The following CDK5R1 variants were observed in gnomAD, a reference collection of about 807,000 sequenced individuals.
CDK5R1 encodes cyclin dependent kinase 5 regulatory subunit 1, also known as cyclin-dependent kinase 5 activator 1.
Under a neutral mutation model 19.0 loss-of-function variants are expected in CDK5R1, and 1 was observed. That is an observed-to-expected ratio of 0.05 (90% confidence interval 0.02 to 0.25). The LOEUF (loss-of-function observed/expected upper bound fraction) is 0.25. Among genes scored for constraint, CDK5R1 ranks in the 10% least tolerant of loss-of-function variants. The pLI is 1.00. For synonymous variants in CDK5R1, 225 were observed against 187.7 expected (o/e 1.20, Z -1.62); for missense variants, 314 against 401.0 (o/e 0.78, Z 1.85).
chr17:32,490,893 C>T lies in CDK5R1; in HGVS notation c.*2349C>T, dbSNP rs9333310. 2 of 167,046 alleles carry T rather than the reference C, an allele frequency of 1.2e-5. No individual in the cohort carries two copies. The highest frequency in any genetic ancestry group is 2.9e-5 in the Non-Finnish European group (2 of 68,114). 10.3% of individuals were successfully genotyped at this position (167,046 alleles called of 1,614,324 possible). A position where few individuals can be genotyped will look rare whatever the true frequency, so the allele number is the denominator to read the frequency against. ...GGAGGGTTGATATATTCTTTCCATG[C>T]AGTTATTAGAACTTAGTTTTGTTCC... On this transcript the variant is annotated 3_prime_UTR_variant, in exon 2 of 2. Transcript: ENST00000313401.
In CDK5R1 at chr17:32,490,364, A is replaced by T. The variant is rs1908827177; in HGVS notation, c.*1820A>T. The T allele has an allele frequency of 6.0e-6, 1 of 167,142 alleles. No homozygotes were observed. Among genetic ancestry groups the T allele is most frequent in the Admixed American group, 6.5e-5 (1 of 15,292 alleles). The allele number at this position is 167,142 out of a possible 1,614,324, so 10.4% of individuals were successfully genotyped here. On this transcript the variant is annotated 3_prime_UTR_variant, in exon 2 of 2. Transcript: ENST00000313401. ...TCTCAGGAGGAGGGCGCATGTGTGT[A>T]TCACCCTCAGCTGGCGGAACCTGGC...
At position 32,488,234 on chromosome 17, in the gene CDK5R1, A is replaced by G; in HGVS notation, c.614A>G (p.Tyr205Cys). The G allele has an allele frequency of 6.2e-7, 1 of 1,613,996 alleles. No homozygotes were observed. Among genetic ancestry groups the G allele is most frequent in the Non-Finnish European group, 8.5e-7 (1 of 1,180,030 alleles). ...ACGCCGGCCAACGTGGTCTTCCTCT[A>G]CATGCTCTGCAGGGATGTTATCTCC... ...FITPANVVFL[Y>C]MLCRDVISSE... Residue 205 changes from tyrosine (Y) to cysteine (C), a missense_variant, in exon 2 of 2, where the codon TAC (tyrosine) becomes TGC (cysteine). Physicochemically the swap from Tyr to Cys is radical, Grantham distance 194. Around this residue, in one of 3 missense-constraint regions of CDK5R1, gnomAD observed 106 missense variants for 132.1 expected, o/e 0.80. Transcript: ENST00000313401.
rs1908726363 is a variant in CDK5R1 at position 32,487,761 on chromosome 17, C to T, written c.141C>T (p.Ile47=). ...AGAACCTGAAGCGCCACTCCATCAT[C>T]TCCGTGCTGCCTTGGAAGAGAATCG... is the stretch of plus-strand genomic sequence containing the variant. ...KDKNLKRHSI[I]SVLPWKRIVA... The change falls in exon 2 of 2, where the codon ATC becomes ATT. Residue 47 remains isoleucine (I), a synonymous_variant. Coordinates refer to ENST00000313401, the MANE Select transcript of CDK5R1 (RefSeq NM_003885.3). This position sits in a 1 kb window ranked among gnomAD's most constrained non-coding sequence, Gnocchi z 7.9. 1.2e-6 allele frequency: 2 copies of T among 1,614,154 alleles called. No individual in the cohort carries two copies. The highest frequency in any genetic ancestry group is 1.7e-6 in the Non-Finnish European group (2 of 1,180,012).
chr17:32,488,077 C>T lies in CDK5R1; in HGVS notation c.457C>T (p.Arg153Cys), dbSNP rs1252946944. 6 of 1,612,876 alleles carry T rather than the reference C, an allele frequency of 3.7e-6. No homozygotes were observed. Among genetic ancestry groups the T allele is most frequent in the Admixed American group, 1.7e-5 (1 of 59,990 alleles). Residue 153 changes from arginine (R) to cysteine (C), a missense_variant, in exon 2 of 2, where the codon CGC becomes TGC. By Grantham distance (180) the Arg-to-Cys change is radical. Coordinates refer to ENST00000313401, the MANE Select transcript of CDK5R1 (RefSeq NM_003885.3). ...CCAGGCGTCCACCAGTGAGCTGCTT[C>T]GCTGCCTGGGTGAGTTTCTCTGCCG... ...IVQASTSELLRCLGEFLCRRC... is the reference protein window; with the variant it reads ...IVQASTSELLCCLGEFLCRRC...
chr17:32,488,236 A>G lies in CDK5R1; in HGVS notation c.616A>G (p.Met206Val). 6.2e-7 allele frequency: 1 copy of G among 1,613,960 alleles called. No individual in the cohort carries two copies. ...GCCGGCCAACGTGGTCTTCCTCTACATGCTCTGCAGGGATGTTATCTCCTC... is the reference window on the plus strand; with the variant it reads ...GCCGGCCAACGTGGTCTTCCTCTACGTGCTCTGCAGGGATGTTATCTCCTC... The part of the protein sequence containing the change: ...ITPANVVFLY[M>V]LCRDVISSEV... The change falls in exon 2 of 2, where the codon ATG becomes GTG. Residue 206 changes from methionine (M) to valine (V), a missense_variant. Physicochemically the swap from Met to Val is conservative, Grantham distance 21. This residue lies in a region of CDK5R1 where 106 missense variants were observed against 132.1 expected (regional missense o/e 0.80). Transcript: ENST00000313401.
In CDK5R1 at chr17:32,489,499, TG is replaced by T. The variant is rs1567863451; in HGVS notation, c.*961del. The T allele has an allele frequency of 3.2e-6, 1 of 309,914 alleles. No homozygotes were observed. Among genetic ancestry groups the T allele is most frequent in the Middle Eastern group, 1.3e-3 (1 of 754 alleles). 19.2% of individuals were successfully genotyped at this position (309,914 alleles called of 1,614,324 possible). A position where few individuals can be genotyped will look rare whatever the true frequency, so the allele number is the denominator to read the frequency against. On this transcript the variant is annotated 3_prime_UTR_variant, in exon 2 of 2. Transcript: ENST00000313401. The stretch of plus-strand genomic sequence containing the variant: ...GCACATGACATTTGTCCTGCAGAGC[TG>T]GGGGGAAGGCGATGTGGTGACCCCA...
In CDK5R1 at chr17:32,488,148, C is replaced by T. The variant is rs199732497; in HGVS notation, c.528C>T (p.Leu176=). ...ACCTGTCCCCCACGGACCCCGTGCT[C>T]TGGCTGCGCAGCGTGGACCGCTCGC... The part of the protein sequence containing the change: ...LKHLSPTDPV[L]WLRSVDRSLL... The change falls in exon 2 of 2, where the codon CTC becomes CTT. Residue 176 remains leucine (L), a synonymous_variant. Coordinates refer to ENST00000313401, the MANE Select transcript of CDK5R1 (RefSeq NM_003885.3). 6.2e-7 allele frequency: 1 copy of T among 1,613,702 alleles called. No homozygotes were observed. The highest frequency in any genetic ancestry group is 1.1e-5 in the South Asian group (1 of 91,080).
chr17:32,489,151 G>A lies in CDK5R1; in HGVS notation c.*607G>A, dbSNP rs893017349. ...GCTGTTTTCTTTTTTTAGGGAGAAG[G>A]GCTTTTCTTTAGTGGAGAAATGGAA... is the stretch of plus-strand genomic sequence containing the variant. On this transcript the variant is annotated 3_prime_UTR_variant, in exon 2 of 2. Transcript: ENST00000313401. 2.1e-6 allele frequency: 1 copy of A among 471,138 alleles called. No individual in the cohort carries two copies. The highest frequency in any genetic ancestry group is 1.5e-5 in the South Asian group (1 of 64,570). The allele number at this position is 471,138 out of a possible 1,614,324, so 29.2% of individuals were successfully genotyped here.
At position 32,487,790 on chromosome 17, in the gene CDK5R1, C is replaced by T; in HGVS notation, c.170C>T (p.Ala57Val). 4 of 1,613,954 alleles carry T rather than the reference C, an allele frequency of 2.5e-6. No homozygotes were observed. The highest frequency in any genetic ancestry group is 3.4e-6 in the Non-Finnish European group (4 of 1,179,886). The change falls in exon 2 of 2, where the codon GCC (alanine) becomes GTC (valine). Residue 57 changes from alanine (A) to valine (V), a missense_variant. Physicochemically the swap from Ala to Val is moderately conservative, Grantham distance 64 (BLOSUM62 0). This residue lies in a region of CDK5R1 where 197 missense variants were observed against 230.2 expected (regional missense o/e 0.86). Transcript: ENST00000313401. This position sits in a 1 kb window ranked among gnomAD's most constrained non-coding sequence, Gnocchi z 7.9. Reference sequence around the variant, plus strand: ...GTGCTGCCTTGGAAGAGAATCGTGGCCGTGTCGGCCAAGAAGAAGAACTCC... The same window carrying T: ...GTGCTGCCTTGGAAGAGAATCGTGGTCGTGTCGGCCAAGAAGAAGAACTCC... ...ISVLPWKRIVAVSAKKKNSKK... is the reference protein window; with the variant it reads ...ISVLPWKRIVVVSAKKKNSKK...
In CDK5R1 at chr17:32,487,369, C is replaced by A. The variant is rs1424700474; in HGVS notation, c.-145-107C>A. On this transcript the variant is annotated intron_variant, in intron 1 of 1. Transcript: ENST00000313401. This position sits in a 1 kb window ranked among gnomAD's most constrained non-coding sequence, Gnocchi z 7.9. The stretch of plus-strand genomic sequence containing the variant: ...GCGTCGCGGGGGCGCGGGTAGGGCC[C>A]GGGACTGGGGCGGCGGGGTGCGCCG... 5.2e-6 allele frequency: 1 copy of A among 193,792 alleles called. No individual in the cohort carries two copies. The highest frequency in any genetic ancestry group is 6.2e-5 in the Admixed American group (1 of 16,114). 12.0% of individuals were successfully genotyped at this position (193,792 alleles called of 1,614,324 possible).
At position 32,488,698 on chromosome 17, in the gene CDK5R1, A is replaced by G; in HGVS notation, c.*154A>G. The G allele has an allele frequency of 7.2e-7, 1 of 1,391,720 alleles. No individual in the cohort carries two copies. Among genetic ancestry groups the G allele is most frequent in the Non-Finnish European group, 9.9e-7 (1 of 1,010,948 alleles). The allele number at this position is 1,391,720 out of a possible 1,614,324, so 86.2% of individuals were successfully genotyped here. A position where few individuals can be genotyped will look rare whatever the true frequency, so the allele number is the denominator to read the frequency against. ...GGGGTTTTTTTCATCCCTGCCAAGA[A>G]CTCTGGGCACTTTTGAACTCACGAG... On this transcript the variant is annotated 3_prime_UTR_variant, in exon 2 of 2. Coordinates refer to ENST00000313401, the MANE Select transcript of CDK5R1 (RefSeq NM_003885.3).
rs1330744002 is a variant in CDK5R1 at position 32,487,771 on chromosome 17, C to T, written c.151C>T (p.Pro51Ser). 6.2e-7 allele frequency: 1 copy of T among 1,614,174 alleles called. No individual in the cohort carries two copies. Among genetic ancestry groups the T allele is most frequent in the Non-Finnish European group, 8.5e-7 (1 of 1,180,016 alleles). ...LKRHSIISVL[P>S]WKRIVAVSAK... The stretch of plus-strand genomic sequence containing the variant: ...GCGCCACTCCATCATCTCCGTGCTG[C>T]CTTGGAAGAGAATCGTGGCCGTGTC... The change falls in exon 2 of 2, where the codon CCT becomes TCT. Residue 51 changes from proline to serine, a missense_variant. This residue lies in a region of CDK5R1 where 197 missense variants were observed against 230.2 expected (regional missense o/e 0.86). Transcript: ENST00000313401. This position sits in a 1 kb window ranked among gnomAD's most constrained non-coding sequence, Gnocchi z 7.9.
In CDK5R1 at chr17:32,488,310, G is replaced by A. The variant is rs1218022941; in HGVS notation, c.690G>A (p.Leu230=). ...HELQAVLLTC[L]YLSYSYMGNE... Reference sequence around the variant, plus strand: ...TCCAGGCCGTCCTGCTGACATGCCTGTACCTCTCCTACTCCTACATGGGCA... The same window carrying A: ...TCCAGGCCGTCCTGCTGACATGCCTATACCTCTCCTACTCCTACATGGGCA... Residue 230 remains leucine (L), a synonymous_variant, in exon 2 of 2, where the codon CTG becomes CTA. Coordinates refer to ENST00000313401, the MANE Select transcript of CDK5R1 (RefSeq NM_003885.3). 1.2e-6 allele frequency: 2 copies of A among 1,614,000 alleles called. No individual in the cohort carries two copies. The highest frequency in any genetic ancestry group is 2.7e-5 in the African/African-American group (2 of 74,924).
At position 32,489,885 on chromosome 17, in the gene CDK5R1, G is replaced by A. The variant is rs1388960648; in HGVS notation, c.*1341G>A. 6.0e-6 allele frequency: 1 copy of A among 167,130 alleles called. No individual in the cohort carries two copies. Among genetic ancestry groups the A allele is most frequent in the African/African-American group, 2.4e-5 (1 of 41,460 alleles). 10.4% of individuals were successfully genotyped at this position (167,130 alleles called of 1,614,324 possible). A position where few individuals can be genotyped will look rare whatever the true frequency, so the allele number is the denominator to read the frequency against. On this transcript the variant is annotated 3_prime_UTR_variant, in exon 2 of 2. Coordinates refer to ENST00000313401, the MANE Select transcript of CDK5R1 (RefSeq NM_003885.3). ...ATGTGAAGACACTACAGAGGATTCT[G>A]TCTTCCAGGCCCAGTCCACTGGGGA...
In CDK5R1 at chr17:32,488,634, A is replaced by C; in HGVS notation, c.*90A>C. The C allele has an allele frequency of 4.5e-6, 7 of 1,567,516 alleles. No homozygotes were observed. The highest frequency in any genetic ancestry group is 3.5e-6 in the Non-Finnish European group (4 of 1,156,738). On this transcript the variant is annotated 3_prime_UTR_variant, in exon 2 of 2. Transcript: ENST00000313401. Reference sequence around the variant, plus strand: ...TTTTGTGTACAGTATGTGTCTAGCAAAGCCACCAAGGGCCTCACCTTTCCC... The same window carrying C: ...TTTTGTGTACAGTATGTGTCTAGCACAGCCACCAAGGGCCTCACCTTTCCC...
rs745590491 is a variant in CDK5R1 at position 32,488,352 on chromosome 17, G to A, written c.732G>A (p.Pro244=). Residue 244 remains proline, a synonymous_variant, in exon 2 of 2, where the codon CCG becomes CCA. Coordinates refer to ENST00000313401, the MANE Select transcript of CDK5R1 (RefSeq NM_003885.3). ...ACATGGGCAACGAGATCTCCTACCCGCTCAAGCCCTTCCTGGTGGAGAGCT... is the reference window on the plus strand; with the variant it reads ...ACATGGGCAACGAGATCTCCTACCCACTCAAGCCCTTCCTGGTGGAGAGCT... ...YSYMGNEISY[P]LKPFLVESCK... The A allele has an allele frequency of 1.2e-6, 2 of 1,613,928 alleles. No individual in the cohort carries two copies. The highest frequency in any genetic ancestry group is 1.1e-5 in the South Asian group (1 of 91,092).
At position 32,488,665 on chromosome 17, in the gene CDK5R1, C is replaced by T; in HGVS notation, c.*121C>T. The T allele has an allele frequency of 6.6e-7, 1 of 1,513,344 alleles. No individual in the cohort carries two copies. Among genetic ancestry groups the T allele is most frequent in the Non-Finnish European group, 9.0e-7 (1 of 1,115,094 alleles). 93.7% of individuals were successfully genotyped at this position (1,513,344 alleles called of 1,614,324 possible). A position where few individuals can be genotyped will look rare whatever the true frequency, so the allele number is the denominator to read the frequency against. ...CCAAGGGCCTCACCTTTCCCACAGTCTCTCCCTGGGGTTTTTTTCATCCCT... is the reference window on the plus strand; with the variant it reads ...CCAAGGGCCTCACCTTTCCCACAGTTTCTCCCTGGGGTTTTTTTCATCCCT... On this transcript the variant is annotated 3_prime_UTR_variant, in exon 2 of 2. Coordinates refer to ENST00000313401, the MANE Select transcript of CDK5R1 (RefSeq NM_003885.3).
rs1281823600 is a variant in CDK5R1, at chr17:32,488,910, T to C, written c.*366T>C. ...TCTGGCTGCCTGGCCCAGGGAGGAA[T>C]TGGGGTTTCTGGTTGGAGGCCCTTT... On this transcript the variant is annotated 3_prime_UTR_variant, in exon 2 of 2. Coordinates refer to ENST00000313401, the MANE Select transcript of CDK5R1 (RefSeq NM_003885.3). 2.6e-6 allele frequency: 1 copy of C among 378,960 alleles called. No individual in the cohort carries two copies. The highest frequency in any genetic ancestry group is 2.1e-5 in the African/African-American group (1 of 47,102). 23.5% of individuals were successfully genotyped at this position (378,960 alleles called of 1,614,324 possible). A position where few individuals can be genotyped will look rare whatever the true frequency, so the allele number is the denominator to read the frequency against.
rs1908723097 is a variant in CDK5R1 at position 32,487,664 on chromosome 17, C to T, written c.44C>T (p.Thr15Met). 1.9e-6 allele frequency: 3 copies of T among 1,613,582 alleles called. No homozygotes were observed. The highest frequency in any genetic ancestry group is 1.6e-4 in the Middle Eastern group (1 of 6,084). Reference protein sequence around the residue: ...LSLSPSYRKATLFEDGAATVG... With the variant: ...LSLSPSYRKAMLFEDGAATVG... Reference sequence around the variant, plus strand: ...CTGTCTCCCAGCTACCGGAAGGCCACGCTGTTTGAGGATGGCGCGGCCACC... The same window carrying T: ...CTGTCTCCCAGCTACCGGAAGGCCATGCTGTTTGAGGATGGCGCGGCCACC... The change falls in exon 2 of 2, where the codon ACG (threonine) becomes ATG (methionine). Residue 15 changes from threonine (T) to methionine (M), a missense_variant. Coordinates refer to ENST00000313401, the MANE Select transcript of CDK5R1 (RefSeq NM_003885.3). This position sits in a 1 kb window ranked among gnomAD's most constrained non-coding sequence, Gnocchi z 7.9.
Sources: gnomAD v4.1 joint callset for allele counts on GRCh38, gnomAD v4.1.1 for gene constraint, gnomAD v4.1.1 regional missense constraint, Gnocchi (gnomAD v3.1) non-coding constraint, MANE v1.5 for transcripts, NCBI Gene and HGNC (gene_info 2026-07-23, HGNC 2026-07-21) for gene names.